The following IGSF10 variants were observed in gnomAD, a reference collection of about 807,000 sequenced individuals.
IGSF10 encodes immunoglobulin superfamily member 10, also known as calvaria mechanical force protein 608.
IGSF10 carries 126 observed loss-of-function variants against 128.2 expected under a neutral mutation model. That is an observed-to-expected ratio of 0.98 (90% CI 0.85 to 1.14). The LOEUF (loss-of-function observed/expected upper bound fraction) is 1.14, where lower values mean the gene tolerates loss of function less well. IGSF10 is among the 50% of genes most tolerant of loss of function. The pLI, the probability that IGSF10 is intolerant of heterozygous loss-of-function variation, is 0.00. For synonymous variants in IGSF10, 1,185 were observed against 1,146.2 expected, an observed-to-expected ratio of 1.03 and a Z score of -0.68; for missense variants, 3,295 against 3,149.8, an observed-to-expected ratio of 1.05 and a Z score of -1.10.
the IGSF10 span, among the ~76,000 whole-genome samples, chr3:151,567,627 T>C: frequency 6.6e-6 from 1 of 152,140 alleles, no homozygotes; most frequent in African/African-American, 2.4e-5. Flanking sequence ...CAAAGCCTAC[T>C]GTAACTAGCC....
the IGSF10 span, among the ~76,000 whole-genome samples, chr3:151,476,358 A>C: frequency 1.3e-5 from 2 of 152,108 alleles, no homozygotes; most frequent in Non-Finnish European, 2.9e-5. Context: ...TGCTGTTTTA[A>C]TGAGCGCCTG....
At chr3:151,570,632 G>A in the IGSF10 span, among the ~76,000 whole-genome samples, 7 of 152,096 alleles carry the variant, frequency 4.6e-5, no homozygotes, top group Non-Finnish European at 1.0e-4. Context: ...TTCTGGATAT[G>A]AGCCCTTTGT....
chr3:151,446,816 T>C lies in IGSF10; in HGVS notation c.3165A>G (p.Ser1055=), dbSNP rs1048090576. The change falls in exon 6 of 8, where the codon TCA becomes TCG. Residue 1055 remains serine (S), a synonymous_variant. Coordinates refer to ENST00000282466, the MANE Select transcript of IGSF10 (RefSeq NM_178822.5). ...GACATGTCACATTGAGCACTGTGGCTGAGAATGCAGTAGTGCTTTTTTCAG... is the reference window on the plus strand; with the variant it reads ...GACATGTCACATTGAGCACTGTGGCCGAGAATGCAGTAGTGCTTTTTTCAG... The part of the protein sequence containing the change: ...GSSEKSTTAF[S]ATVLNVTCLS... 2.5e-6 allele frequency: 4 copies of C among 1,613,972 alleles called. No individual in the cohort carries two copies. In the Admixed American group the frequency reaches 6.7e-5, roughly 27 times the overall value.
the IGSF10 span, among the ~76,000 whole-genome samples, chr3:151,473,911 T>C: frequency 9.0e-4 from 137 of 152,134 alleles, no homozygotes; most frequent in African/African-American, 3.2e-3. Context: ...TAACTGAAAT[T>C]AGCACTAGCT....
chr3:151,564,318 C>CT, the IGSF10 span, among the ~76,000 whole-genome samples: 3 of 151,348 alleles, frequency 2.0e-5, no homozygotes, highest in African/African-American at 7.3e-5. Flanking sequence ...TTATATTTGA[C>CT]TTTTTTTTTA....
chr3:151,474,131 C>G, the IGSF10 span, among the ~76,000 whole-genome samples: 1 of 152,090 alleles, frequency 6.6e-6, no homozygotes, highest in African/African-American at 2.4e-5. Flanking sequence ...TGACAACATA[C>G]ACATTCAAAA....
chr3:151,452,991 C>A (rs980717710), intron 5 of IGSF10, among the ~76,000 whole-genome samples: 6 of 151,850 alleles, frequency 4.0e-5, no homozygotes. Flanking sequence ...TTGTTAAGAG[C>A]AAAAACTGCC....
At chr3:151,434,280 A>G (rs1719847975), downstream of IGSF10, 1 of 152,182 alleles carries the variant, frequency 6.6e-6, no homozygotes, top group Non-Finnish European at 1.5e-5. Context: ...GCAAATCATT[A>G]TCTATAAATA....
intron 7 of IGSF10, among the ~76,000 whole-genome samples, chr3:151,441,758 C>T (rs1720857944): frequency 6.6e-6 from 1 of 152,030 alleles, no homozygotes; most frequent in Admixed American, 6.5e-5. Flanking sequence ...ATATAGAAAG[C>T]CAGCTATAAA....
At chr3:151,519,425 G>A in the IGSF10 span, among the ~76,000 whole-genome samples, 264 of 151,844 alleles carry the variant, frequency 1.7e-3, no homozygotes, top group Middle Eastern at 6.8e-3. Flanking sequence ...GTGTTAGGCC[G>A]CATTAGAATA....
Position 151,454,586 on chromosome 3 carries a change from G to GTT in IGSF10, c.325-814_325-813dup, listed in dbSNP as rs143402800. Among the ~76,000 whole-genome samples, 258 of 149,914 alleles carry GTT rather than the reference G, an allele frequency of 1.7e-3. 2 individuals carry two copies. Among genetic ancestry groups the GTT allele is most frequent in the South Asian group, 8.2e-3 (39 of 4,746 alleles). ...GTCCATGGTTGAAAATTTTTATAAG[G>GTT]TTTTTTTTTTAAGTCTTAGTATTTC... On this transcript the variant is annotated intron_variant, in intron 4 of 7. Coordinates refer to ENST00000282466, the MANE Select transcript of IGSF10 (RefSeq NM_178822.5).
chr3:151,491,804 T>C, the IGSF10 span, among the ~76,000 whole-genome samples: 1 of 152,074 alleles, frequency 6.6e-6, no homozygotes, highest in Non-Finnish European at 1.5e-5. Flanking sequence ...GAAGCCAGCA[T>C]AACCCTGATA....
the IGSF10 span, among the ~76,000 whole-genome samples, chr3:151,563,053 A>G: frequency 6.6e-6 from 1 of 152,102 alleles, no homozygotes. Context: ...ATAGAGAAGG[A>G]GTGAATCTCT....
chr3:151,460,864 G>T (rs968159411), intron 1 of IGSF10, 82 bp downstream of exon 1: 1 of 940,482 alleles, frequency 1.1e-6, no homozygotes, highest in Non-Finnish European at 1.3e-6. Flanking sequence ...TGCAGCCACG[G>T]TACTCGCTCC....
the IGSF10 span, among the ~76,000 whole-genome samples, chr3:151,558,010 A>ATATATATTATATATATTATATATAT: frequency 3.9e-5 from 1 of 25,704 alleles, no homozygotes; most frequent in East Asian, 1.3e-3. Flanking sequence ...TATATAATAT[A>ATATATATTATATATATTATATATAT]TATATATAAT....
chr3:151,489,739 C>T, the IGSF10 span, among the ~76,000 whole-genome samples: 1 of 152,104 alleles, frequency 6.6e-6, no homozygotes, highest in Non-Finnish European at 1.5e-5. Flanking sequence ...CCAAACACCA[C>T]ATGTTCTCAC....
At chr3:151,573,363 A>C in the IGSF10 span, among the ~76,000 whole-genome samples, 1 of 152,132 alleles carries the variant, frequency 6.6e-6, no homozygotes, top group East Asian at 1.9e-4. Flanking sequence ...GTGGGAGTCT[A>C]AGTTTCTTTG....
At position 151,438,591 on chromosome 3, in the gene IGSF10, GC is replaced by G; in HGVS notation, c.5969del (p.Gly1990AlafsTer17). On this transcript the variant is annotated frameshift_variant, in exon 8 of 8. Coordinates refer to ENST00000282466, the MANE Select transcript of IGSF10 (RefSeq NM_178822.5). LOFTEE classifies it low-confidence loss of function (END_TRUNC). ...CATTAGGGTAGACGTGGATCCAGCT[GC>G]CCACTCTAAGGAGAAAAGAGATTCA... The part of the protein sequence containing the change: ...KAVVDQQHRV[G>X]SWIHVYPNGS... 1.2e-6 allele frequency: 2 copies of G among 1,611,014 alleles called. No individual in the cohort carries two copies. Among genetic ancestry groups the G allele is most frequent in the Non-Finnish European group, 8.5e-7 (1 of 1,178,156 alleles).
At chr3:151,569,206 G>C in the IGSF10 span, among the ~76,000 whole-genome samples, 1 of 152,088 alleles carries the variant, frequency 6.6e-6, no homozygotes, top group Non-Finnish European at 1.5e-5. Flanking sequence ...CTAGTAGCTG[G>C]GATTACAGGT....
Sources: gnomAD v4.1 joint callset for allele counts (sites outside exome capture counted in the v4.1 genomes callset) on GRCh38, gnomAD v4.1.1 for gene constraint, MANE v1.5 for transcripts, NCBI Gene and HGNC (gene_info 2026-07-23, HGNC 2026-07-21) for gene names.